PKDCC: variants seen among roughly 807,000 people sequenced by gnomAD.
The protein encoded by PKDCC is protein kinase domain containing, cytoplasmic, also known as extracellular tyrosine-protein kinase PKDCC.
PKDCC carries 35 observed loss-of-function variants against 44.7 expected under a neutral mutation model. That is an observed-to-expected ratio of 0.78 (90% CI 0.60 to 1.04). The LOEUF (loss-of-function observed/expected upper bound fraction) is 1.04. Ranked by LOEUF, PKDCC falls within the 50% of genes least tolerant of loss-of-function variation. The pLI is 0.00. For synonymous variants in PKDCC, 353 were observed against 303.3 expected, an observed-to-expected ratio of 1.16 and a Z score of -1.70; for missense variants, 738 against 672.7, an observed-to-expected ratio of 1.10 and a Z score of -1.07.
chr2:42,056,611 TC>T, intron 5 of PKDCC, among the ~76,000 whole-genome samples: 1 of 152,008 alleles, frequency 6.6e-6, no homozygotes, highest in Middle Eastern at 3.4e-3. Flanking sequence ...ATCAGAATCT[TC>T]ATTTGGTTGG....
chr2:42,056,650 G>A (rs1668061040), intron 5 of PKDCC, among the ~76,000 whole-genome samples: 1 of 152,020 alleles, frequency 6.6e-6, no homozygotes, highest in African/African-American at 2.4e-5. Context: ...TGTAATCCCA[G>A]CACTTCGGGA....
rs1668083670 is a variant in PKDCC at position 42,057,812 on chromosome 2, CCAGA to C, written c.*133_*136del. ...AACCCCTGCAGACAAAGCTAACATCCCAGACAGACAGATGTGACCAGGACAAACG... is the reference window on the plus strand; with the variant it reads ...AACCCCTGCAGACAAAGCTAACATCCCAGACAGATGTGACCAGGACAAACG... On this transcript the variant is annotated 3_prime_UTR_variant, in exon 7 of 7. Transcript: ENST00000294964. 3 of 761,188 alleles carry C rather than the reference CCAGA, an allele frequency of 3.9e-6. No homozygotes were observed. Among genetic ancestry groups the C allele is most frequent in the African/African-American group, 1.7e-5 (1 of 57,226 alleles). The allele number at this position is 761,188 out of a possible 1,614,324, so 47.2% of individuals were successfully genotyped here.
chr2:42,048,052 A>AGGGGCC lies in PKDCC; in HGVS notation c.-143_-138dup, dbSNP rs1385946393. 2 of 199,240 alleles carry AGGGGCC rather than the reference A, an allele frequency of 1.0e-5. No individual in the cohort carries two copies. Among genetic ancestry groups the AGGGGCC allele is most frequent in the East Asian group, 6.6e-4 (2 of 3,046 alleles). The allele number at this position is 199,240 out of a possible 1,614,324, so 12.3% of individuals were successfully genotyped here. On this transcript the variant is annotated 5_prime_UTR_variant, in exon 1 of 7. Coordinates refer to ENST00000294964, the MANE Select transcript of PKDCC (RefSeq NM_138370.3). This position sits in a 1 kb window ranked among gnomAD's most constrained non-coding sequence, Gnocchi z 6.2. ...GTGTCAGGCCGATGTGTCGCCCGCG[A>AGGGGCC]GGGGCCGGGGTCGGGGCCGCCGGGG...
Position 42,054,959 on chromosome 2 carries a change from C to T in PKDCC, c.1053C>T (p.Leu351=). 2.5e-6 allele frequency: 4 copies of T among 1,614,062 alleles called. No homozygotes were observed. The highest frequency in any genetic ancestry group is 2.5e-6 in the Non-Finnish European group (3 of 1,179,940). ...GCCACAGGTTTTTCTTCACATACCT[C>T]CTGCCTCACAGTGCCCCGCCTTCAC... is the stretch of plus-strand genomic sequence containing the variant. ...YNAYRFFFTY[L]LPHSAPPSLR... is the part of the protein sequence containing the mutation. Residue 351 remains leucine (L), a synonymous_variant, in exon 4 of 7, where the codon CTC becomes CTT. Coordinates refer to ENST00000294964, the MANE Select transcript of PKDCC (RefSeq NM_138370.3). The surrounding 1 kb of genome is among the most constrained non-coding windows in gnomAD (Gnocchi z 6.1).
Position 42,055,328 on chromosome 2 carries a change from A to T in PKDCC, c.1157A>T (p.Glu386Val). The T allele has an allele frequency of 6.2e-7, 1 of 1,613,720 alleles. No homozygotes were observed. Among genetic ancestry groups the T allele is most frequent in the Non-Finnish European group, 8.5e-7 (1 of 1,179,996 alleles). ...WGVDETLAQL[E>V]KVLHLYRSGQ... ...GTGGACGAGACCCTGGCCCAGCTGG[A>T]GAAGGTGCTGCACCTGTACCGGAGC... The change falls in exon 5 of 7, where the codon GAG becomes GTG. Residue 386 changes from glutamate (E) to valine (V), a missense_variant. Transcript: ENST00000294964. The surrounding 1 kb of genome is among the most constrained non-coding windows in gnomAD (Gnocchi z 4.5).
intron 1 of PKDCC, among the ~76,000 whole-genome samples, chr2:42,049,991 T>C (rs766242312): frequency 2.6e-4 from 40 of 152,140 alleles, no homozygotes; most frequent in Non-Finnish European, 4.9e-4. Flanking sequence ...CTCTCTCCTT[T>C]CCTTAGGAGT....
Position 42,048,549 on chromosome 2 carries a change from C to G in PKDCC, c.350C>G (p.Pro117Arg). The stretch of plus-strand genomic sequence containing the variant: ...TCCGACGGCGCCCCAGGCTGGCCCC[C>G]GGCTCCCGGCCCAGGCTCCCCCGGC... ...PLSDGAPGWP[P>R]APGPGSPGPG... Residue 117 changes from proline (P) to arginine (R), a missense_variant, in exon 1 of 7, where the codon CCG becomes CGG. Transcript: ENST00000294964. This position sits in a 1 kb window ranked among gnomAD's most constrained non-coding sequence, Gnocchi z 6.2. The G allele has an allele frequency of 7.9e-7, 1 of 1,268,760 alleles. No homozygotes were observed. The highest frequency in any genetic ancestry group is 9.9e-7 in the Non-Finnish European group (1 of 1,015,024). 78.6% of individuals were successfully genotyped at this position (1,268,760 alleles called of 1,614,324 possible). A position where few individuals can be genotyped will look rare whatever the true frequency, so the allele number is the denominator to read the frequency against.
chr2:42,057,088 C>A, intron 5 of PKDCC, 133 bp from the exon 6 acceptor site: 1 of 990,846 alleles, frequency 1.0e-6, no homozygotes, highest in Non-Finnish European at 1.5e-6. Context: ...CATCTGCGTG[C>A]TAGAGGGCTG....
At chr2:42,056,275 A>C (rs1668056164) in intron 5 of PKDCC, among the ~76,000 whole-genome samples, 1 of 152,148 alleles carries the variant, frequency 6.6e-6, no homozygotes, top group Non-Finnish European at 1.5e-5. Context: ...GAAAGACAGG[A>C]GCAAACAAGA....
rs189604938 is a variant in PKDCC at position 42,057,766 on chromosome 2, C to T, written c.*78C>T. ...CTGTGGAGGGAGTGACTTGCACTGG[C>T]AGCACTGCATGTCACCTGGGAACCC... On this transcript the variant is annotated 3_prime_UTR_variant, in exon 7 of 7. Transcript: ENST00000294964. The T allele has an allele frequency of 7.4e-5, 93 of 1,251,648 alleles. No homozygotes were observed. In the East Asian group the frequency reaches 1.9e-3, roughly 25 times the overall value. 77.5% of individuals were successfully genotyped at this position (1,251,648 alleles called of 1,614,324 possible).
Position 42,048,507 on chromosome 2 carries a change from CTTGGGCCCGGCCCCT to C in PKDCC, c.309_323del (p.Trp104_Leu108del). On this transcript the variant is annotated inframe_deletion, in exon 1 of 7. Coordinates refer to ENST00000294964, the MANE Select transcript of PKDCC (RefSeq NM_138370.3). This position sits in a 1 kb window ranked among gnomAD's most constrained non-coding sequence, Gnocchi z 6.2. ...CCCGGCCTGCCGCGCCCCCGGCCCC[CTTGGGCCCGGCCCCT>C]GTCCGACGGCGCCCCAGGCTGGCCC... The C allele has an allele frequency of 9.0e-7, 1 of 1,117,164 alleles. No homozygotes were observed. Among genetic ancestry groups the C allele is most frequent in the Non-Finnish European group, 1.1e-6 (1 of 918,500 alleles). 69.2% of individuals were successfully genotyped at this position (1,117,164 alleles called of 1,614,324 possible).
At position 42,054,248 on chromosome 2, in the gene PKDCC, C is replaced by A. The variant is rs867555443; in HGVS notation, c.975C>A (p.Cys325Ter). ...CGGCCAGGAACTTCACCCTGCCCTG[C>A]TCAGCCCAGGGCTGGTGCGAGGGCA... ...EFPARNFTLP[C>*]SAQGWCEGMN... Residue 325 changes from cysteine to a stop codon, truncating the protein, a stop_gained, in exon 3 of 7, where the codon TGC becomes TGA. Transcript: ENST00000294964. LOFTEE classifies it high-confidence loss of function. The surrounding 1 kb of genome is among the most constrained non-coding windows in gnomAD (Gnocchi z 6.1). The A allele has an allele frequency of 6.2e-7, 1 of 1,605,576 alleles. No homozygotes were observed. Among genetic ancestry groups the A allele is most frequent in the African/African-American group, 1.3e-5 (1 of 74,902 alleles).
chr2:42,056,093 G>A (rs1668049964), intron 5 of PKDCC, among the ~76,000 whole-genome samples: 3 of 152,262 alleles, frequency 2.0e-5, no homozygotes, highest in Admixed American at 6.5e-5. Flanking sequence ...AAAGTTTAAC[G>A]AGGTGAACAA....
intron 6 of PKDCC, 52 bp from the exon 7 acceptor site, chr2:42,057,550 GC>G: frequency 6.3e-7 from 1 of 1,588,666 alleles, no homozygotes. Context: ...GAATGGTCTT[GC>G]CTCCAGAAAG....
Position 42,048,271 on chromosome 2 carries a change from G to A in PKDCC, c.72G>A (p.Val24=), listed in dbSNP as rs1667901268. Reference sequence around the variant, plus strand: ...TCCTGCTGGGCTCCGTCCTCAACGTGCTCTTCGCTCCGGGCTCGGAGCCTC... The same window carrying A: ...TCCTGCTGGGCTCCGTCCTCAACGTACTCTTCGCTCCGGGCTCGGAGCCTC... ...ASFLLGSVLN[V]LFAPGSEPPR... Residue 24 remains valine (V), a synonymous_variant, in exon 1 of 7, where the codon GTG becomes GTA. Coordinates refer to ENST00000294964, the MANE Select transcript of PKDCC (RefSeq NM_138370.3). The surrounding 1 kb of genome is among the most constrained non-coding windows in gnomAD (Gnocchi z 6.2). 10 of 1,278,544 alleles carry A rather than the reference G, an allele frequency of 7.8e-6. No homozygotes were observed. Among genetic ancestry groups the A allele is most frequent in the South Asian group, 3.8e-5 (2 of 53,146 alleles). 79.2% of individuals were successfully genotyped at this position (1,278,544 alleles called of 1,614,324 possible). A position where few individuals can be genotyped will look rare whatever the true frequency, so the allele number is the denominator to read the frequency against.
chr2:42,052,748 AAAAAG>A lies in PKDCC; in HGVS notation c.640-476_640-472del, dbSNP rs532847591. 4.0e-3 allele frequency among the ~76,000 whole-genome samples: 601 copies of A among 152,098 alleles called. 1 individual carries two copies. Among genetic ancestry groups the A allele is most frequent in the Admixed American group, 7.4e-3 (113 of 15,278 alleles). Reference sequence around the variant, plus strand: ...CAGAGCGAGGCTGTCTCAAAAAAAAAAAAAGAAAAGAAAAGAAAAATAAATAAAAA... The same window carrying A: ...CAGAGCGAGGCTGTCTCAAAAAAAAAAAAAGAAAAGAAAAATAAATAAAAA... On this transcript the variant is annotated intron_variant, in intron 1 of 6. Coordinates refer to ENST00000294964, the MANE Select transcript of PKDCC (RefSeq NM_138370.3). This position sits in a 1 kb window ranked among gnomAD's most constrained non-coding sequence, Gnocchi z 4.3.
chr2:42,058,414 C>T lies in PKDCC; in HGVS notation c.*726C>T, dbSNP rs1185080940. ...CCAAAACCAGGCTTTCCCCCTTCCTCGAGTTTGAATATCCAGAATCTTTTG... is the reference window on the plus strand; with the variant it reads ...CCAAAACCAGGCTTTCCCCCTTCCTTGAGTTTGAATATCCAGAATCTTTTG... On this transcript the variant is annotated 3_prime_UTR_variant, in exon 7 of 7. Transcript: ENST00000294964. This position sits in a 1 kb window ranked among gnomAD's most constrained non-coding sequence, Gnocchi z 4.2. 2 of 152,474 alleles carry T rather than the reference C, an allele frequency of 1.3e-5. No homozygotes were observed. The highest frequency in any genetic ancestry group is 2.9e-5 in the Non-Finnish European group (2 of 68,006). 9.4% of individuals were successfully genotyped at this position (152,474 alleles called of 1,614,324 possible).
At chr2:42,050,753 G>T (rs1667951188) in intron 1 of PKDCC, among the ~76,000 whole-genome samples, 2 of 152,076 alleles carry the variant, frequency 1.3e-5, no homozygotes, top group African/African-American at 4.8e-5. Context: ...AGGGTCACAG[G>T]TCCTTTCTAC....
intron 1 of PKDCC, among the ~76,000 whole-genome samples, chr2:42,050,548 G>T (rs1667947404): frequency 6.6e-6 from 1 of 152,128 alleles, no homozygotes. Context: ...TATATCACGT[G>T]ACGGTCCTCC....
Sources: gnomAD v4.1 joint callset for allele counts (sites outside exome capture counted in the v4.1 genomes callset) on GRCh38, gnomAD v4.1.1 for gene constraint, Gnocchi (gnomAD v3.1) non-coding constraint, MANE v1.5 for transcripts, NCBI Gene and HGNC (gene_info 2026-07-23, HGNC 2026-07-21) for gene names.